Variants in IL15 observed in about 807,000 individuals in gnomAD.
IL15 encodes interleukin-15.
Under a neutral mutation model 19.6 loss-of-function variants are expected in IL15, and 11 were observed. The observed-to-expected ratio is 0.56, with a 90% confidence interval of 0.35 to 0.93. The LOEUF (loss-of-function observed/expected upper bound fraction) is 0.93, where lower values mean the gene tolerates loss of function less well. Among genes scored for constraint, IL15 ranks in the 40% least tolerant of loss-of-function variants. The pLI, the probability that IL15 is intolerant of heterozygous loss-of-function variation, is 0.01. For synonymous variants in IL15, 58 were observed against 59.6 expected, an observed-to-expected ratio of 0.97 and a Z score of 0.12; for missense variants, 197 against 186.5, an observed-to-expected ratio of 1.06 and a Z score of -0.33.
At chr4:141,728,810 G>A (rs1394317289) in intron 6 of IL15, among the ~76,000 whole-genome samples, 1 of 152,100 alleles carries the variant, frequency 6.6e-6, no homozygotes, top group East Asian at 1.9e-4. Context: ...CTTCAGCATG[G>A]ATTCTGTTTT....
intron 2 of IL15, among the ~76,000 whole-genome samples, chr4:141,697,510 T>G (rs1560925050): frequency 6.6e-6 from 1 of 152,120 alleles, no homozygotes; most frequent in Non-Finnish European, 1.5e-5. Context: ...TTTGGTTCCA[T>G]ATGAATTTTA....
rs1286909005 is a variant in IL15 at position 141,733,938 on chromosome 4, G to A, written c.*1090G>A. The A allele has an allele frequency of 6.6e-6, 1 of 152,166 alleles. No individual in the cohort carries two copies. The highest frequency in any genetic ancestry group is 2.4e-5 in the African/African-American group (1 of 41,430). 9.4% of individuals were successfully genotyped at this position (152,166 alleles called of 1,614,324 possible). A position where few individuals can be genotyped will look rare whatever the true frequency, so the allele number is the denominator to read the frequency against. ...TAGCAAGCTCTCTTCTAATGGAACT[G>A]TAAGAAAGATGAAATATTTTTGTTT... On this transcript the variant is annotated 3_prime_UTR_variant, in exon 8 of 8. Coordinates refer to ENST00000320650, the MANE Select transcript of IL15 (RefSeq NM_000585.5).
At chr4:141,713,531 A>C (rs1368940043) in intron 2 of IL15, among the ~76,000 whole-genome samples, 1 of 152,214 alleles carries the variant, frequency 6.6e-6, no homozygotes, top group Admixed American at 6.5e-5. Context: ...GGCCCTCTAC[A>C]CAAAGTGTTA....
chr4:141,660,684 A>G lies in IL15; in HGVS notation c.-100+4377A>G, dbSNP rs928463097. Among the ~76,000 whole-genome samples the G allele has an allele frequency of 5.3e-5, 8 of 152,332 alleles. No individual in the cohort carries two copies. The East Asian group carries it at 1.2e-3, about 22-fold the overall frequency. ...TTTCTCTGTGACATTACATAAGTAA[A>G]CATTATTTTAATGTGTATATAATAC... On this transcript the variant is annotated intron_variant, in intron 2 of 7. Coordinates refer to ENST00000320650, the MANE Select transcript of IL15 (RefSeq NM_000585.5).
intron 5 of IL15, among the ~76,000 whole-genome samples, chr4:141,725,241 G>A (rs555195839): frequency 3.3e-5 from 5 of 152,278 alleles, no homozygotes; most frequent in Admixed American, 3.3e-4. Flanking sequence ...CTCATGGCCT[G>A]TGTCCCTCCC....
rs1031827587 is a variant in IL15, at chr4:141,722,144, C to G, written c.195+136C>G. ...TGTAGAAATTTATGATCTTATAAAG[C>G]TCAAAAAGAAGTCTTTTCCTTACTG... On this transcript the variant is annotated intron_variant, in intron 5 of 7. Coordinates refer to ENST00000320650, the MANE Select transcript of IL15 (RefSeq NM_000585.5). 4 of 1,174,410 alleles carry G rather than the reference C, an allele frequency of 3.4e-6. No individual in the cohort carries two copies. The African/African-American group carries it at 6.2e-5, about 18-fold the overall frequency. The allele number at this position is 1,174,410 out of a possible 1,614,324, so 72.7% of individuals were successfully genotyped here.
chr4:141,684,210 A>G (rs574849306), intron 2 of IL15, among the ~76,000 whole-genome samples: 2 of 152,174 alleles, frequency 1.3e-5, no homozygotes, highest in African/African-American at 4.8e-5. Flanking sequence ...AGTACTCAGT[A>G]GTCTTTTTTT....
intron 2 of IL15, among the ~76,000 whole-genome samples, chr4:141,697,010 G>C (rs1278006830): frequency 6.6e-6 from 1 of 151,990 alleles, no homozygotes; most frequent in African/African-American, 2.4e-5. Context: ...AAGCTTTTTA[G>C]TTTAATGAGG....
intron 5 of IL15, among the ~76,000 whole-genome samples, chr4:141,722,218 G>T (rs919101698): frequency 6.6e-6 from 1 of 152,044 alleles, no homozygotes; most frequent in African/African-American, 2.4e-5. Flanking sequence ...CGGCCCAGAC[G>T]GATGAGTTCT....
intron 4 of IL15, 170 bp downstream of exon 4, chr4:141,720,736 C>A (rs941302838): frequency 1.1e-5 from 7 of 624,466 alleles, no homozygotes; most frequent in South Asian, 3.7e-5. Flanking sequence ...TGGTAAACAC[C>A]TAACTGAGCA....
At chr4:141,722,447 G>A (rs1403423380) in intron 5 of IL15, among the ~76,000 whole-genome samples, 5 of 152,126 alleles carry the variant, frequency 3.3e-5, no homozygotes, top group Non-Finnish European at 7.4e-5. Flanking sequence ...ATGGCACCAA[G>A]CATACCAAAA....
In IL15 at chr4:141,733,101, T is replaced by C; in HGVS notation, c.*253T>C. On this transcript the variant is annotated 3_prime_UTR_variant, in exon 8 of 8. Transcript: ENST00000320650. ...AATTTATTATTGAAATTGTACATAT[T>C]TGTGGAATAATGTAAAATGTTGAAT... 1 of 342,214 alleles carries C rather than the reference T, an allele frequency of 2.9e-6. No homozygotes were observed. 21.2% of individuals were successfully genotyped at this position (342,214 alleles called of 1,614,324 possible). A position where few individuals can be genotyped will look rare whatever the true frequency, so the allele number is the denominator to read the frequency against.
chr4:141,700,111 G>A (rs1729235108), intron 2 of IL15, among the ~76,000 whole-genome samples: 1 of 151,968 alleles, frequency 6.6e-6, no homozygotes, highest in African/African-American at 2.4e-5. Context: ...TACAGATAGG[G>A]TGTCACCATG....
intron 2 of IL15, among the ~76,000 whole-genome samples, chr4:141,661,590 T>C (rs1415686634): frequency 6.6e-6 from 1 of 152,160 alleles, no homozygotes; most frequent in Non-Finnish European, 1.5e-5. Flanking sequence ...GGGATTTTTC[T>C]CCTTGTATGG....
At chr4:141,728,044 A>AT (rs1157562123) in intron 6 of IL15, 60 bp downstream of exon 6, 104 of 815,380 alleles carry the variant, frequency 1.3e-4, no homozygotes, top group Non-Finnish European at 4.0e-6. Flanking sequence ...TTAAAAGTAT[A>AT]TTTTTGTAAC....
At chr4:141,703,813 A>AT (rs1219755822) in intron 2 of IL15, among the ~76,000 whole-genome samples, 1 of 149,214 alleles carries the variant, frequency 6.7e-6, no homozygotes, top group South Asian at 2.1e-4. Flanking sequence ...GATTTTTTTA[A>AT]TTTTTTGTAG....
intron 1 of IL15, among the ~76,000 whole-genome samples, chr4:141,650,686 G>A (rs1727374825): frequency 6.6e-6 from 1 of 152,002 alleles, no homozygotes; most frequent in South Asian, 2.1e-4. Flanking sequence ...TCCCTTTGGT[G>A]TTGAATCTGG....
At chr4:141,686,885 A>G (rs904796723) in intron 2 of IL15, among the ~76,000 whole-genome samples, 1 of 152,200 alleles carries the variant, frequency 6.6e-6, no homozygotes, top group African/African-American at 2.4e-5. Context: ...TTTTAGATGC[A>G]TACACTCAGA....
Position 141,722,956 on chromosome 4 carries a change from A to G in IL15, c.195+948A>G, listed in dbSNP as rs180743450. ...AGTTAATTTGACAACAGAATACTAG[A>G]GAGACAGTTGACTTAAGAAAAAAAA... On this transcript the variant is annotated intron_variant, in intron 5 of 7. Coordinates refer to ENST00000320650, the MANE Select transcript of IL15 (RefSeq NM_000585.5). Among the ~76,000 whole-genome samples, 154 of 152,274 alleles carry G rather than the reference A, an allele frequency of 1.0e-3. 1 individual carries two copies. The highest frequency in any genetic ancestry group is 3.4e-3 in the African/African-American group (140 of 41,572).
Sources: gnomAD v4.1 joint callset for allele counts (sites outside exome capture counted in the v4.1 genomes callset) on GRCh38, gnomAD v4.1.1 for gene constraint, MANE v1.5 for transcripts, NCBI Gene and HGNC (gene_info 2026-07-23, HGNC 2026-07-21) for gene names.